Variants in PALM2AKAP2 observed in about 807,000 individuals in gnomAD.
PALM2AKAP2 encodes PALM2 and AKAP2 fusion, also known as PALM2-AKAP2 fusion protein.
In PALM2AKAP2, 37 loss-of-function variants were observed where a neutral mutation model predicts 71.5. The observed-to-expected ratio is 0.52, with a 90% CI of 0.40 to 0.68. The LOEUF (loss-of-function observed/expected upper bound fraction) is 0.68, where lower values mean the gene tolerates loss of function less well. Ranked by LOEUF, PALM2AKAP2 falls within the 30% of genes least tolerant of loss-of-function variation. The pLI is 0.00. For missense variants in PALM2AKAP2, 1,224 were observed against 1,191.8 expected, an observed-to-expected ratio of 1.03 and a Z score of -0.40; for synonymous variants, 468 against 478.8, an observed-to-expected ratio of 0.98 and a Z score of 0.29.
At position 109,864,642 on chromosome 9, in the gene PALM2AKAP2, C is replaced by A. The variant is rs555755963; in HGVS notation, c.46-2849C>A. On this transcript the variant is annotated intron_variant, in intron 1 of 9. Transcript: ENST00000302798. ...CAAATAAAGTTTTATTAGAACACAG[C>A]CACACTCATTCATTTAAATATTGTC... Among the ~76,000 whole-genome samples the A allele has an allele frequency of 1.8e-4, 28 of 152,294 alleles. No homozygotes were observed. The East Asian group carries it at 4.2e-3, about 23-fold the overall frequency.
chr9:109,757,115 ACCC>A (rs1828975880), intron 1 of PALM2AKAP2, among the ~76,000 whole-genome samples: 2 of 151,932 alleles, frequency 1.3e-5, no homozygotes, highest in Non-Finnish European at 2.9e-5. Context: ...ATCCCCACCT[ACCC>A]TCATACACAC....
intron 7 of PALM2AKAP2, among the ~76,000 whole-genome samples, chr9:110,024,446 A>C (rs1241934725): frequency 6.6e-6 from 1 of 151,862 alleles, no homozygotes; most frequent in Non-Finnish European, 1.5e-5. Context: ...AGCCTCAATC[A>C]CTATCCCTTT....
At chr9:109,721,956 A>G (rs1388719458) in intron 1 of PALM2AKAP2, among the ~76,000 whole-genome samples, 1 of 152,218 alleles carries the variant, frequency 6.6e-6, no homozygotes, top group Admixed American at 6.5e-5. Flanking sequence ...AGTAACTTTT[A>G]ATGCATCCCT....
At chr9:110,102,963 T>C (rs117696854) in intron 1 of PALM2AKAP2, among the ~76,000 whole-genome samples, 1,649 of 152,288 alleles carry the variant, frequency 0.011, 6 homozygotes, top group Middle Eastern at 0.037. Context: ...TTGTCCTCTC[T>C]TGTCCTCACT....
At chr9:109,972,234 G>A (rs1832082059) in intron 6 of PALM2AKAP2, among the ~76,000 whole-genome samples, 1 of 152,184 alleles carries the variant, frequency 6.6e-6, no homozygotes, top group Non-Finnish European at 1.5e-5. Flanking sequence ...AAGTCAGCAG[G>A]CTTCACAGTG....
chr9:109,738,527 T>C (rs1220359047), intron 1 of PALM2AKAP2, among the ~76,000 whole-genome samples: 2 of 152,234 alleles, frequency 1.3e-5, no homozygotes, highest in African/African-American at 4.8e-5. Flanking sequence ...TCTATTTCTA[T>C]ACACTAGCAA....
chr9:109,942,764 G>T, intron 6 of PALM2AKAP2: 2 of 1,613,950 alleles, frequency 1.2e-6, no homozygotes, highest in Non-Finnish European at 1.7e-6. Context: ...TCTACCATTG[G>T]CCCAGAGGGG....
At chr9:110,116,747 C>T (rs1485250999) in intron 1 of PALM2AKAP2, among the ~76,000 whole-genome samples, 1 of 152,234 alleles carries the variant, frequency 6.6e-6, no homozygotes, top group East Asian at 1.9e-4. Flanking sequence ...GCCAATAACT[C>T]ATCTTCAGTG....
chr9:110,088,715 T>TG (rs1834632372), intron 1 of PALM2AKAP2, among the ~76,000 whole-genome samples: 1 of 131,618 alleles, frequency 7.6e-6, no homozygotes. Flanking sequence ...TTTTTTTTTT[T>TG]TTTTTTTTTT....
chr9:109,825,935 T>C (rs1165785216), intron 1 of PALM2AKAP2, among the ~76,000 whole-genome samples: 1 of 152,282 alleles, frequency 6.6e-6, no homozygotes, highest in Non-Finnish European at 1.5e-5. Flanking sequence ...TGTGACACTA[T>C]TCACAATAGG....
intron 6 of PALM2AKAP2, among the ~76,000 whole-genome samples, chr9:109,980,498 G>C (rs781181564): frequency 6.6e-5 from 10 of 152,142 alleles, no homozygotes; most frequent in Admixed American, 1.3e-4. Context: ...CTTTCTGGAG[G>C]CCTCATCGTA....
intron 3 of PALM2AKAP2, among the ~76,000 whole-genome samples, chr9:109,921,987 G>A (rs1830841427): frequency 6.6e-6 from 1 of 152,072 alleles, no homozygotes; most frequent in Non-Finnish European, 1.5e-5. Flanking sequence ...GAAACAGAAA[G>A]GCCATCTGAG....
At chr9:110,051,994 C>G (rs996864767) in intron 1 of PALM2AKAP2, among the ~76,000 whole-genome samples, 1 of 151,984 alleles carries the variant, frequency 6.6e-6, no homozygotes, top group Non-Finnish European at 1.5e-5. Flanking sequence ...GCTCCGCTTC[C>G]CCGGTTCACA....
At chr9:109,704,897 A>G (rs1410996128) in intron 1 of PALM2AKAP2, among the ~76,000 whole-genome samples, 2 of 152,120 alleles carry the variant, frequency 1.3e-5, no homozygotes, top group African/African-American at 4.8e-5. Context: ...CTCTCTCCTT[A>G]GCCCCCAGTC....
chr9:109,968,678 A>C (rs951631435), intron 6 of PALM2AKAP2, among the ~76,000 whole-genome samples: 3 of 151,980 alleles, frequency 2.0e-5, no homozygotes, highest in African/African-American at 7.3e-5. Context: ...ATTTCTGGGG[A>C]CTCCATGTGA....
chr9:109,981,814 G>T (rs550392716), intron 6 of PALM2AKAP2, among the ~76,000 whole-genome samples: 4 of 151,838 alleles, frequency 2.6e-5, no homozygotes, highest in Admixed American at 2.6e-4. Context: ...AACAAATGCC[G>T]GCAAGGATGT....
chr9:109,912,608 G>A (rs1830594160), intron 3 of PALM2AKAP2, among the ~76,000 whole-genome samples: 1 of 152,184 alleles, frequency 6.6e-6, no homozygotes, highest in Non-Finnish European at 1.5e-5. Flanking sequence ...TGATTTGCAT[G>A]AAAACAATAT....
At chr9:110,003,430 G>A (rs1391107585) in intron 6 of PALM2AKAP2, among the ~76,000 whole-genome samples, 4 of 152,158 alleles carry the variant, frequency 2.6e-5, no homozygotes, top group African/African-American at 7.2e-5. Flanking sequence ...TACATTTGCT[G>A]AGGAGGGCTT....
chr9:109,977,446 C>G (rs1368554522), intron 6 of PALM2AKAP2, among the ~76,000 whole-genome samples: 1 of 152,164 alleles, frequency 6.6e-6, no homozygotes, highest in Non-Finnish European at 1.5e-5. Flanking sequence ...AATTAGGCAG[C>G]CCATGTCCCA....
Sources: gnomAD v4.1 joint callset for allele counts (sites outside exome capture counted in the v4.1 genomes callset) on GRCh38, gnomAD v4.1.1 for gene constraint, MANE v1.5 for transcripts, NCBI Gene and HGNC (gene_info 2026-07-23, HGNC 2026-07-21) for gene names.